The following IGSF11 variants were observed in gnomAD, a reference collection of about 807,000 sequenced individuals.
IGSF11 encodes immunoglobulin superfamily member 11.
Under a neutral mutation model 41.0 loss-of-function variants are expected in IGSF11, and 22 were observed. That is an observed-to-expected ratio of 0.54 (90% CI 0.38 to 0.77). The LOEUF is 0.77. IGSF11 is among the 30% of genes least tolerant of loss of function. The probability of loss-of-function intolerance (pLI) is 0.00; values close to 1 mark genes in which losing one functional copy is unlikely to be tolerated. For synonymous variants in IGSF11, 219 were observed against 201.3 expected, an observed-to-expected ratio of 1.09 and a Z score of -0.74; for missense variants, 444 against 530.8, an observed-to-expected ratio of 0.84 and a Z score of 1.61.
At chr3:118,910,392 G>A (rs948743989) in intron 4 of IGSF11, among the ~76,000 whole-genome samples, 2 of 152,062 alleles carry the variant, frequency 1.3e-5, no homozygotes, top group African/African-American at 4.8e-5. Flanking sequence ...ATCTAATCGA[G>A]CCCCATATAT....
chr3:119,003,617 A>C (rs1039292301), intron 1 of IGSF11, among the ~76,000 whole-genome samples: 8 of 151,530 alleles, frequency 5.3e-5, no homozygotes, highest in Non-Finnish European at 1.2e-4. Context: ...GATAGCTCTT[A>C]TTATTTTGAA....
intron 1 of IGSF11, among the ~76,000 whole-genome samples, chr3:119,132,915 C>T (rs749461719): frequency 4.6e-5 from 7 of 152,190 alleles, no homozygotes; most frequent in Non-Finnish European, 8.8e-5. Context: ...AAGAAACTCA[C>T]TCAAAACCAC....
At chr3:119,123,838 G>A (rs985605968) in intron 1 of IGSF11, among the ~76,000 whole-genome samples, 3 of 152,148 alleles carry the variant, frequency 2.0e-5, no homozygotes, top group Admixed American at 1.3e-4. Flanking sequence ...TATGGCTTAG[G>A]TCATAGTACC....
intron 1 of IGSF11, among the ~76,000 whole-genome samples, chr3:119,014,522 A>ATGATT (rs745580240): frequency 1.2e-4 from 19 of 152,222 alleles, no homozygotes; most frequent in Non-Finnish European, 1.9e-4. Context: ...CCAAGAAGAG[A>ATGATT]TGATTTTTGA....
intron 1 of IGSF11, among the ~76,000 whole-genome samples, chr3:118,972,439 T>C (rs770135648): frequency 6.6e-6 from 1 of 152,238 alleles, no homozygotes; most frequent in Non-Finnish European, 1.5e-5. Context: ...TCATGTCTAT[T>C]GTCTTCTCTC....
At chr3:119,025,165 A>G (rs1939700123) in intron 1 of IGSF11, among the ~76,000 whole-genome samples, 1 of 152,166 alleles carries the variant, frequency 6.6e-6, no homozygotes, top group East Asian at 1.9e-4. Context: ...TAACTATTTT[A>G]GGAAAAGTTT....
chr3:119,072,662 G>A (rs115721792), intron 1 of IGSF11, among the ~76,000 whole-genome samples: 2,433 of 152,226 alleles, frequency 0.016, 77 homozygotes, highest in African/African-American at 0.055. Context: ...CATTCCTCCC[G>A]GTTGGTTCGT....
chr3:118,940,245 G>A (rs934562831), intron 1 of IGSF11, among the ~76,000 whole-genome samples: 2 of 152,062 alleles, frequency 1.3e-5, no homozygotes, highest in Middle Eastern at 3.2e-3. Flanking sequence ...AAGTAAAACT[G>A]TATTTATTTG....
At chr3:119,113,625 G>T (rs2077215117) in intron 1 of IGSF11, among the ~76,000 whole-genome samples, 1 of 152,192 alleles carries the variant, frequency 6.6e-6, no homozygotes, top group Admixed American at 6.5e-5. Context: ...TCAGAGGCTA[G>T]GGTGGAGTGC....
chr3:118,906,228 G>A (rs1576320592), intron 4 of IGSF11, among the ~76,000 whole-genome samples: 1 of 152,212 alleles, frequency 6.6e-6, no homozygotes, highest in Admixed American at 6.5e-5. Context: ...CAGACACCAA[G>A]ACAAGTGTGA....
At chr3:118,916,081 T>C (rs1184298651) in intron 4 of IGSF11, among the ~76,000 whole-genome samples, 2 of 149,948 alleles carry the variant, frequency 1.3e-5, no homozygotes, top group African/African-American at 2.5e-5. Context: ...CCACCAAGCC[T>C]GCCCTAAAAG....
Position 119,007,969 on chromosome 3 carries a change from T to G in IGSF11, c.52+26562A>C, listed in dbSNP as rs1245458882. Among the ~76,000 whole-genome samples the G allele has an allele frequency of 3.9e-5, 6 of 152,142 alleles. No homozygotes were observed. The East Asian group carries it at 9.6e-4, about 24-fold the overall frequency. Reference sequence around the variant, plus strand: ...TCTACTAAAATAGCCTTATCAAAGTTCCCTAATGTCCTCCTAATCATCGAC... The same window carrying G: ...TCTACTAAAATAGCCTTATCAAAGTGCCCTAATGTCCTCCTAATCATCGAC... On this transcript the variant is annotated intron_variant, in intron 1 of 6. Transcript: ENST00000393775.
chr3:119,030,390 T>C (rs1426997482), intron 1 of IGSF11, among the ~76,000 whole-genome samples: 7 of 152,212 alleles, frequency 4.6e-5, no homozygotes. Context: ...GATCATTGGC[T>C]GAGTCTATTA....
At position 118,999,911 on chromosome 3, in the gene IGSF11, T is replaced by C. The variant is rs143739301; in HGVS notation, c.52+34620A>G. ...ACCAGCAACCGACACCCAGAGTTGT[T>C]GGAAAACAAAAATCAACAATGTAAA... is the stretch of plus-strand genomic sequence containing the variant. On this transcript the variant is annotated intron_variant, in intron 1 of 6. Coordinates refer to ENST00000393775, the MANE Select transcript of IGSF11 (RefSeq NM_001015887.3). Among the ~76,000 whole-genome samples, 477 of 152,162 alleles carry C rather than the reference T, an allele frequency of 3.1e-3. 2 individuals carry two copies. The highest frequency in any genetic ancestry group is 5.8e-3 in the Non-Finnish European group (396 of 67,986).
At chr3:119,059,207 A>ACACACC (rs755839793) in intron 1 of IGSF11, among the ~76,000 whole-genome samples, 163 of 144,606 alleles carry the variant, frequency 1.1e-3, no homozygotes, top group African/African-American at 4.0e-3. Context: ...ACACACACAC[A>ACACACC]CCACACCATG....
intron 4 of IGSF11, among the ~76,000 whole-genome samples, chr3:118,906,063 G>A (rs1271973274): frequency 6.6e-6 from 1 of 152,094 alleles, no homozygotes; most frequent in African/African-American, 2.4e-5. Flanking sequence ...CTAGTTCTGA[G>A]GAACTGCAAT....
intron 1 of IGSF11, among the ~76,000 whole-genome samples, chr3:119,101,378 G>A (rs914396702): frequency 5.9e-5 from 9 of 151,978 alleles, no homozygotes; most frequent in South Asian, 4.2e-4. Flanking sequence ...GCGTGGTGGC[G>A]CATGTCTGTA....
At chr3:119,052,101 C>G (rs1020557493) in intron 1 of IGSF11, among the ~76,000 whole-genome samples, 1 of 151,910 alleles carries the variant, frequency 6.6e-6, no homozygotes, top group East Asian at 1.9e-4. Flanking sequence ...AACCCAAACC[C>G]AGAAGAAGAA....
chr3:118,926,024 A>G, intron 4 of IGSF11, 77 bp downstream of exon 4: 1 of 1,133,440 alleles, frequency 8.8e-7, no homozygotes, highest in Non-Finnish European at 1.2e-6. Flanking sequence ...TTCAAAACCT[A>G]TTAAAGTTAA....
Sources: gnomAD v4.1 joint callset for allele counts (sites outside exome capture counted in the v4.1 genomes callset) on GRCh38, gnomAD v4.1.1 for gene constraint, MANE v1.5 for transcripts, NCBI Gene and HGNC (gene_info 2026-07-23, HGNC 2026-07-21) for gene names.